The following C1orf87 variants were observed in gnomAD, a reference collection of about 807,000 sequenced individuals.
The protein encoded by C1orf87 is chromosome 1 open reading frame 87.
In C1orf87, 58 loss-of-function variants were observed where a neutral mutation model predicts 60.5. That is an observed-to-expected ratio of 0.96 (90% CI 0.78 to 1.19). The LOEUF (loss-of-function observed/expected upper bound fraction) is 1.19. Among genes scored for constraint, C1orf87 ranks in the 50% most tolerant of loss-of-function variants. C1orf87 has a pLI of 0.00. For synonymous variants in C1orf87, 236 were observed against 227.4 expected (o/e 1.04, Z -0.34); for missense variants, 673 against 638.6 (o/e 1.05, Z -0.58).
intron 9 of C1orf87, among the ~76,000 whole-genome samples, chr1:60,005,019 A>G (rs1645033400): frequency 2.0e-5 from 3 of 152,044 alleles, no homozygotes; most frequent in Admixed American, 6.6e-5. Context: ...TTTTTAAAAA[A>G]TTCCCTAGGT....
chr1:60,009,985 A>T (rs971971939), intron 9 of C1orf87, among the ~76,000 whole-genome samples: 6 of 151,476 alleles, frequency 4.0e-5, no homozygotes, highest in Admixed American at 2.0e-4. Context: ...AAAAACCTAT[A>T]CACTAAACAT....
At chr1:60,010,330 T>TA in intron 9 of C1orf87, 62 bp downstream of exon 9, 1 of 1,406,040 alleles carries the variant, frequency 7.1e-7, no homozygotes, top group South Asian at 1.2e-5. Context: ...CTAGGCAGCA[T>TA]AGTCAACAAT....
At chr1:60,023,767 T>A (rs540644872) in intron 8 of C1orf87, among the ~76,000 whole-genome samples, 1 of 152,206 alleles carries the variant, frequency 6.6e-6, no homozygotes, top group Non-Finnish European at 1.5e-5. Flanking sequence ...ACATTTAGTC[T>A]TCATGTCTTC....
intron 5 of C1orf87, among the ~76,000 whole-genome samples, chr1:60,038,576 TG>T (rs1645295533): frequency 6.6e-6 from 1 of 152,290 alleles, no homozygotes; most frequent in South Asian, 2.1e-4. Context: ...ACAAAGATTT[TG>T]GGGTTATTAC....
rs762221940 is a variant in C1orf87, at chr1:60,010,422, A to C, written c.1162T>G (p.Ser388Ala). The C allele has an allele frequency of 2.7e-5, 44 of 1,612,498 alleles. No homozygotes were observed. Among genetic ancestry groups the C allele is most frequent in the Middle Eastern group, 1.6e-4 (1 of 6,068 alleles). Residue 388 changes from serine (S) to alanine (A), a missense_variant, in exon 9 of 12, where the codon TCT becomes GCT. Physicochemically the swap from Ser to Ala is moderately conservative, Grantham distance 99 (BLOSUM62 1). Coordinates refer to ENST00000371201, the MANE Select transcript of C1orf87 (RefSeq NM_152377.3). ...QNFVEMLTRA[S>A]SDLLSDLPTG... ...GGCAAATCAGATAACAAATCAGAAG[A>C]AGCTCTGGTCAGCATCTCAACAAAA... is the stretch of plus-strand genomic sequence containing the variant.
chr1:60,069,779 A>G (rs1645572861), intron 2 of C1orf87, among the ~76,000 whole-genome samples: 2 of 152,126 alleles, frequency 1.3e-5, no homozygotes, highest in African/African-American at 4.8e-5. Flanking sequence ...GGCCCTGCCA[A>G]GATTCCTGTG....
At chr1:60,043,508 A>G (rs568654689) in intron 3 of C1orf87, among the ~76,000 whole-genome samples, 4 of 152,220 alleles carry the variant, frequency 2.6e-5, no homozygotes, top group African/African-American at 9.6e-5. Flanking sequence ...CTGCCTCCAG[A>G]GTAGCCGGAA....
At chr1:60,046,936 T>G (rs1008413763) in intron 3 of C1orf87, among the ~76,000 whole-genome samples, 2 of 152,258 alleles carry the variant, frequency 1.3e-5, no homozygotes, top group Non-Finnish European at 2.9e-5. Flanking sequence ...TTATTCATGT[T>G]CAAGATCAAT....
At chr1:60,035,458 G>A (rs1254692905) in intron 6 of C1orf87, among the ~76,000 whole-genome samples, 1 of 152,138 alleles carries the variant, frequency 6.6e-6, no homozygotes, top group Non-Finnish European at 1.5e-5. Context: ...ACTGCCACTG[G>A]CAATGCTGGA....
chr1:60,038,187 G>T, intron 5 of C1orf87, 80 bp from the exon 6 acceptor site: 2 of 791,840 alleles, frequency 2.5e-6, no homozygotes, highest in Admixed American at 2.9e-5. Context: ...AAATGTATTT[G>T]GCAAATTTTT....
At chr1:60,019,615 T>A (rs1645148347) in intron 8 of C1orf87, among the ~76,000 whole-genome samples, 1 of 152,088 alleles carries the variant, frequency 6.6e-6, no homozygotes, top group Non-Finnish European at 1.5e-5. Flanking sequence ...TCCTAGAGAC[T>A]TGTTGAGTGG....
chr1:60,053,046 A>G (rs1234046538), intron 3 of C1orf87, among the ~76,000 whole-genome samples: 8 of 152,208 alleles, frequency 5.3e-5, no homozygotes, highest in African/African-American at 1.9e-4. Flanking sequence ...CTGCCGAGCT[A>G]GCAAATAATC....
At chr1:60,066,414 G>A (rs575658565) in intron 2 of C1orf87, among the ~76,000 whole-genome samples, 159 of 152,228 alleles carry the variant, frequency 1.0e-3, no homozygotes, top group Non-Finnish European at 1.9e-3. Context: ...CAGGAGAATT[G>A]ATTCTATCTC....
chr1:60,064,476 C>T (rs1645521867), intron 2 of C1orf87, among the ~76,000 whole-genome samples: 1 of 137,340 alleles, frequency 7.3e-6, no homozygotes. Context: ...TGTGCAATAG[C>T]ATTGTCTAAA....
intron 7 of C1orf87, among the ~76,000 whole-genome samples, chr1:60,033,262 C>A (rs987564363): frequency 2.0e-5 from 3 of 152,078 alleles, no homozygotes; most frequent in Non-Finnish European, 4.4e-5. Context: ...TAAAACAGCC[C>A]AATATAAGTA....
chr1:59,997,554 T>G (rs1557454328), intron 11 of C1orf87, 55 bp downstream of exon 11: 1 of 1,573,408 alleles, frequency 6.4e-7, no homozygotes, highest in South Asian at 1.1e-5. Context: ...AGGTGCCTAC[T>G]TTTAGACTAG....
chr1:60,033,380 G>A (rs1645252815), intron 7 of C1orf87, 96 bp downstream of exon 7: 2 of 1,157,480 alleles, frequency 1.7e-6, no homozygotes, highest in South Asian at 1.8e-5. Context: ...TAATCCACAG[G>A]CAGAATATGG....
At chr1:60,027,109 C>T (rs1016319748) in intron 7 of C1orf87, among the ~76,000 whole-genome samples, 1 of 152,226 alleles carries the variant, frequency 6.6e-6, no homozygotes, top group Non-Finnish European at 1.5e-5. Context: ...TTAGAGGAAG[C>T]TCAGTCTAGT....
intron 9 of C1orf87, among the ~76,000 whole-genome samples, chr1:60,003,716 G>A (rs189915999): frequency 1.3e-5 from 2 of 152,094 alleles, no homozygotes; most frequent in Non-Finnish European, 2.9e-5. Context: ...TGAAGCCCCA[G>A]CACCCCTCAT....
Sources: gnomAD v4.1 joint callset for allele counts (sites outside exome capture counted in the v4.1 genomes callset) on GRCh38, gnomAD v4.1.1 for gene constraint, MANE v1.5 for transcripts, NCBI Gene and HGNC (gene_info 2026-07-23, HGNC 2026-07-21) for gene names.